The following DPYD variants were observed in gnomAD, a reference collection of about 807,000 sequenced individuals.
DPYD encodes dihydropyrimidine dehydrogenase [NADP(+)].
DPYD carries 109 observed loss-of-function variants against 116.2 expected under a neutral mutation model. The observed-to-expected ratio is 0.94, with a 90% confidence interval of 0.80 to 1.10. The LOEUF is 1.10. Ranked by LOEUF, DPYD falls within the 50% of genes least tolerant of loss-of-function variation. The probability of loss-of-function intolerance (pLI) is 0.00; values close to 1 mark genes in which losing one functional copy is unlikely to be tolerated. For synonymous variants in DPYD, 440 were observed against 432.0 expected (o/e 1.02, Z -0.23); for missense variants, 1,302 against 1,254.5 (o/e 1.04, Z -0.57).
At chr1:97,637,455 T>C (rs1657633295) in intron 8 of DPYD, among the ~76,000 whole-genome samples, 1 of 151,962 alleles carries the variant, frequency 6.6e-6, no homozygotes, top group Non-Finnish European at 1.5e-5. Context: ...GTTTATTTTA[T>C]AGACCCCCCA....
At chr1:97,505,932 G>A (rs955750754) in intron 13 of DPYD, among the ~76,000 whole-genome samples, 4 of 151,976 alleles carry the variant, frequency 2.6e-5, no homozygotes, top group Non-Finnish European at 5.9e-5. Flanking sequence ...TGAAGTGAAA[G>A]AAGCAGATGA....
At chr1:97,616,848 T>A (rs1354429083) in intron 8 of DPYD, among the ~76,000 whole-genome samples, 1 of 152,200 alleles carries the variant, frequency 6.6e-6, no homozygotes, top group Admixed American at 6.5e-5. Context: ...CCTAAGATTA[T>A]TAGAGTAGTG....
At chr1:97,545,242 C>T (rs531756814) in intron 12 of DPYD, among the ~76,000 whole-genome samples, 3 of 152,172 alleles carry the variant, frequency 2.0e-5, no homozygotes, top group Admixed American at 6.6e-5. Flanking sequence ...CTTTCTTGAG[C>T]GTATCTCTTA....
chr1:97,728,250 T>C (rs141385714), intron 4 of DPYD, among the ~76,000 whole-genome samples: 215 of 152,212 alleles, frequency 1.4e-3, no homozygotes, highest in African/African-American at 4.8e-3. Flanking sequence ...GCCCACTAAT[T>C]TACCCACAAT....
intron 14 of DPYD, among the ~76,000 whole-genome samples, chr1:97,424,187 T>C (rs557206543): frequency 2.0e-5 from 3 of 152,272 alleles, no homozygotes; most frequent in African/African-American, 7.2e-5. Context: ...AAGCTCTTAA[T>C]ATTCTTCAGA....
intron 14 of DPYD, among the ~76,000 whole-genome samples, chr1:97,411,333 G>A (rs1673981298): frequency 1.3e-5 from 2 of 152,090 alleles, no homozygotes; most frequent in African/African-American, 4.8e-5. Flanking sequence ...CACAAATCAA[G>A]TCAACTTCAC....
intron 2 of DPYD, among the ~76,000 whole-genome samples, chr1:97,877,263 C>A (rs1243627638): frequency 6.6e-6 from 1 of 151,906 alleles, no homozygotes; most frequent in Non-Finnish European, 1.5e-5. Context: ...ATGATGGTGA[C>A]CAGTGGGAAG....
At chr1:97,822,596 C>CA (rs910387633) in intron 3 of DPYD, among the ~76,000 whole-genome samples, 3 of 151,246 alleles carry the variant, frequency 2.0e-5, no homozygotes, top group East Asian at 3.9e-4. Flanking sequence ...TAAATTAATA[C>CA]AAAAAAAAGT....
rs972627756 is a variant in DPYD at position 97,149,256 on chromosome 1, T to A, written c.2622+43813A>T. ...TTTCACTTGTGAAATAGAGATAACT[T>A]TTTTTATTTTTTTGTAACAGAGTCT... On this transcript the variant is annotated intron_variant, in intron 20 of 22. Coordinates refer to ENST00000370192, the MANE Select transcript of DPYD (RefSeq NM_000110.4). Among the ~76,000 whole-genome samples, 8 of 152,114 alleles carry A rather than the reference T, an allele frequency of 5.3e-5. No individual in the cohort carries two copies. The East Asian group carries it at 1.4e-3, about 26-fold the overall frequency.
At chr1:97,856,908 T>A (rs1008264626) in intron 2 of DPYD, 1 of 152,082 alleles carries the variant, frequency 6.6e-6, no homozygotes, top group Admixed American at 6.6e-5. Flanking sequence ...TGATGTGGAG[T>A]TTCTGGTTCA....
intron 8 of DPYD, among the ~76,000 whole-genome samples, chr1:97,601,129 T>A (rs929893659): frequency 3.9e-5 from 6 of 152,260 alleles, no homozygotes; most frequent in African/African-American, 1.4e-4. Flanking sequence ...ATTTCCATTT[T>A]CTAACTGTAA....
chr1:97,821,016 C>G (rs538342701), intron 3 of DPYD, among the ~76,000 whole-genome samples: 2 of 152,032 alleles, frequency 1.3e-5, no homozygotes, highest in African/African-American at 4.8e-5. Flanking sequence ...CAAGTACCTT[C>G]CAATTGCATA....
chr1:97,641,184 A>T (rs1270007155), intron 8 of DPYD, among the ~76,000 whole-genome samples: 1 of 152,182 alleles, frequency 6.6e-6, no homozygotes, highest in East Asian at 1.9e-4. Context: ...TGGGGGATGA[A>T]CGCCTAATCT....
intron 8 of DPYD, among the ~76,000 whole-genome samples, chr1:97,646,289 A>G (rs1026579138): frequency 6.6e-6 from 1 of 150,796 alleles, no homozygotes; most frequent in Non-Finnish European, 1.5e-5. Flanking sequence ...TTCTCTCCCT[A>G]TTCTTTACTT....
At chr1:97,530,336 A>C (rs1412070764) in intron 12 of DPYD, among the ~76,000 whole-genome samples, 1 of 149,890 alleles carries the variant, frequency 6.7e-6, no homozygotes, top group Admixed American at 6.7e-5. Flanking sequence ...TCCTGCCTCA[A>C]CCTCCCGAGC....
chr1:97,169,607 C>T (rs891093586), intron 20 of DPYD, among the ~76,000 whole-genome samples: 2 of 146,892 alleles, frequency 1.4e-5, no homozygotes, highest in East Asian at 2.1e-4. Context: ...TGCAATGGTG[C>T]GATCTCAGCT....
intron 5 of DPYD, among the ~76,000 whole-genome samples, chr1:97,705,188 T>C (rs1056584958): frequency 7.2e-5 from 11 of 151,874 alleles, no homozygotes; most frequent in Admixed American, 1.3e-4. Flanking sequence ...ACGTGCAGGT[T>C]TGTTACATAT....
chr1:97,090,927 C>T (rs1448737474), intron 21 of DPYD, among the ~76,000 whole-genome samples: 3 of 152,148 alleles, frequency 2.0e-5, no homozygotes, highest in East Asian at 1.9e-4. Flanking sequence ...TAAATACATA[C>T]TTGCTGATTG....
intron 3 of DPYD, among the ~76,000 whole-genome samples, chr1:97,775,961 C>A (rs1001436650): frequency 6.6e-6 from 1 of 151,764 alleles, no homozygotes; most frequent in Non-Finnish European, 1.5e-5. Flanking sequence ...TTTTTACTTA[C>A]GGTGGGTGCA....
Sources: allele counts gnomAD v4.1 joint callset (sites outside exome capture counted in the v4.1 genomes callset), GRCh38; gene constraint gnomAD v4.1.1; transcripts MANE v1.5; gene names NCBI Gene and HGNC (gene_info 2026-07-23, HGNC 2026-07-21).